Variants in AKAP13 observed in about 807,000 individuals in gnomAD.
AKAP13 encodes the protein A-kinase anchoring protein 13, also known as A-kinase anchor protein 13.
Under a neutral mutation model 264.5 loss-of-function variants are expected in AKAP13, and 80 were observed. The observed-to-expected ratio is 0.30, with a 90% CI of 0.25 to 0.36. The LOEUF (loss-of-function observed/expected upper bound fraction) is 0.36, where lower values mean the gene tolerates loss of function less well. AKAP13 is among the 10% of genes least tolerant of loss of function. The pLI is 1.00. For synonymous variants in AKAP13, 1,380 were observed against 1,250.2 expected (o/e 1.10, Z -2.19); for missense variants, 3,712 against 3,435.2 (o/e 1.08, Z -2.01).
In AKAP13 at chr15:85,639,422, T is replaced by G. The variant is rs1193630008; in HGVS notation, c.4210T>G (p.Ser1404Ala). 6.2e-7 allele frequency: 1 copy of G among 1,613,180 alleles called. No homozygotes were observed. Among genetic ancestry groups the G allele is most frequent in the Non-Finnish European group, 8.5e-7 (1 of 1,179,662 alleles). ...CTIEPCPDAA[S>A]LLASKQSPEC... ...AATAGAGCCATGCCCTGATGCAGCA[T>G]CTCTTCTGGCTTCCAAGCAGAGCCC... Residue 1404 changes from serine to alanine, a missense_variant, in exon 9 of 37, where the codon TCT becomes GCT. Coordinates refer to ENST00000394518, the MANE Select transcript of AKAP13 (RefSeq NM_007200.5).
At chr15:85,525,066 T>TTG (rs1476722277) in intron 3 of AKAP13, among the ~76,000 whole-genome samples, 2 of 148,672 alleles carry the variant, frequency 1.3e-5, no homozygotes, top group Non-Finnish European at 3.0e-5. Context: ...AAATTTTTTT[T>TTG]TTTTTTTTTT....
chr15:85,743,904 G>A (rs1251551511), intron 36 of AKAP13, 79 bp downstream of exon 36: 4 of 1,486,394 alleles, frequency 2.7e-6, no homozygotes, highest in East Asian at 2.3e-5. Flanking sequence ...GTGGCATGGG[G>A]CGGGGTTGAA....
intron 8 of AKAP13, among the ~76,000 whole-genome samples, chr15:85,629,872 C>T (rs541196980): frequency 3.3e-4 from 49 of 147,822 alleles, no homozygotes; most frequent in African/African-American, 1.1e-3. Flanking sequence ...CTCCACCTCC[C>T]GGGCTCAAGC....
chr15:85,443,771 A>ATGTG (rs1164351281), intron 1 of AKAP13, among the ~76,000 whole-genome samples: 1 of 105,406 alleles, frequency 9.5e-6, no homozygotes, highest in South Asian at 4.2e-4. Flanking sequence ...AAAAAAAAAA[A>ATGTG]AGTGTGTGTG....
chr15:85,526,556 C>T (rs192003754), intron 3 of AKAP13, among the ~76,000 whole-genome samples: 34 of 152,238 alleles, frequency 2.2e-4, no homozygotes, highest in African/African-American at 7.9e-4. Context: ...CAGGCGTGAC[C>T]CACCATACCT....
chr15:85,466,989 A>G (rs987252942), intron 1 of AKAP13, among the ~76,000 whole-genome samples: 1 of 151,924 alleles, frequency 6.6e-6, no homozygotes, highest in Non-Finnish European at 1.5e-5. Flanking sequence ...ATGGACCATT[A>G]TATCCTAGGT....
chr15:85,481,971 C>G (rs1037878163), intron 1 of AKAP13, among the ~76,000 whole-genome samples: 1 of 152,176 alleles, frequency 6.6e-6, no homozygotes, highest in Non-Finnish European at 1.5e-5. Flanking sequence ...ACTGACAAAG[C>G]AAAGACTTTC....
At chr15:85,494,277 C>T (rs1567086502) in intron 2 of AKAP13, among the ~76,000 whole-genome samples, 3 of 152,158 alleles carry the variant, frequency 2.0e-5, no homozygotes, top group Non-Finnish European at 2.9e-5. Context: ...TAAATCCTCC[C>T]TCAGACTAAC....
At chr15:85,585,119 C>G (rs780868799) in intron 7 of AKAP13, among the ~76,000 whole-genome samples, 1 of 152,114 alleles carries the variant, frequency 6.6e-6, no homozygotes, top group South Asian at 2.1e-4. Context: ...GATAGCTAGT[C>G]TGTGATTAGG....
chr15:85,595,307 C>G (rs1046076205), intron 8 of AKAP13, among the ~76,000 whole-genome samples: 4 of 152,002 alleles, frequency 2.6e-5, no homozygotes, highest in Non-Finnish European at 5.9e-5. Context: ...ACAATGTTGC[C>G]CAGGCTGGTC....
rs796328058 is a variant in AKAP13, at chr15:85,694,965, C to CT, written c.5464+1525dup. Among the ~76,000 whole-genome samples, 700 of 146,578 alleles carry CT rather than the reference C, an allele frequency of 4.8e-3. 4 individuals carry two copies. Among genetic ancestry groups the CT allele is most frequent in the African/African-American group, 0.013 (528 of 40,250 alleles). ...AACTTACTGAAATCTGATTTTTTTT[C>CT]TTTTTTTTTTTGAGACAGGGTCTCA... On this transcript the variant is annotated intron_variant, in intron 17 of 36. Transcript: ENST00000394518.
In AKAP13 at chr15:85,708,269, T is replaced by C. The variant is rs16943484; in HGVS notation, c.5532+183T>C. ...TTAAGCGATCAATCTTCTTCTTGAG[T>C]AACACTGGAGAATTAGACTTTCAGA... On this transcript the variant is annotated intron_variant, in intron 18 of 36. Transcript: ENST00000394518. This position sits in a 1 kb window ranked among gnomAD's most constrained non-coding sequence, Gnocchi z 4.3. Among the ~76,000 whole-genome samples, 5,900 of 152,344 alleles carry C rather than the reference T, an allele frequency of 0.039. 151 individuals are homozygous for C. Among genetic ancestry groups the C allele is most frequent in the Non-Finnish European group, 0.064 (4,327 of 68,028 alleles).
At chr15:85,672,173 T>C (rs774211406) in intron 14 of AKAP13, among the ~76,000 whole-genome samples, 38 of 152,336 alleles carry the variant, frequency 2.5e-4, no homozygotes, top group African/African-American at 7.5e-4. Flanking sequence ...CAAGAGTTTA[T>C]TCCTTTCATC....
At chr15:85,617,825 C>T (rs1374213271) in intron 8 of AKAP13, among the ~76,000 whole-genome samples, 1 of 152,224 alleles carries the variant, frequency 6.6e-6, no homozygotes, top group East Asian at 1.9e-4. Context: ...CCCTAGACCA[C>T]ATAGTTTGGA....
chr15:85,548,898 G>T, intron 5 of AKAP13, among the ~76,000 whole-genome samples: 1 of 143,892 alleles, frequency 6.9e-6, no homozygotes. Flanking sequence ...CCAAACCTCA[G>T]TGCCTTTTTT....
intron 17 of AKAP13, chr15:85,702,239 T>TCACACACA (rs3223062): frequency 0.022 from 3,213 of 146,692 alleles, 48 homozygotes; most frequent in Middle Eastern, 0.046. Context: ...AGAGCAAGAC[T>TCACACACA]CACACACACA....
In AKAP13 at chr15:85,581,087, C is replaced by T. The variant is rs1381538749; in HGVS notation, c.3019C>T (p.Leu1007=). The change falls in exon 7 of 37, where the codon CTG becomes TTG. Residue 1007 remains leucine (L), a synonymous_variant. Transcript: ENST00000394518. The stretch of plus-strand genomic sequence containing the variant: ...CAAGGAAGTGGCCCCACAAGTCTCA[C>T]TGCTGACTCAAGGTGGGGCTGCCCA... ...HNKEVAPQVS[L]LTQGGAAQSL... 15 of 1,614,072 alleles carry T rather than the reference C, an allele frequency of 9.3e-6. No homozygotes were observed. The highest frequency in any genetic ancestry group is 1.7e-4 in the Middle Eastern group (1 of 6,056).
At chr15:85,539,916 A>C (rs1567113860) in intron 4 of AKAP13, among the ~76,000 whole-genome samples, 1 of 152,232 alleles carries the variant, frequency 6.6e-6, no homozygotes, top group Non-Finnish European at 1.5e-5. Flanking sequence ...AAGAAACAAA[A>C]AAATGTAGAT....
In AKAP13 at chr15:85,582,211, C is replaced by T. The variant is rs2079154596; in HGVS notation, c.4039+104C>T. 3.1e-6 allele frequency: 4 copies of T among 1,293,236 alleles called. No individual in the cohort carries two copies. In the East Asian group the frequency reaches 1.0e-4, roughly 32 times the overall value. The allele number at this position is 1,293,236 out of a possible 1,614,324, so 80.1% of individuals were successfully genotyped here. A position where few individuals can be genotyped will look rare whatever the true frequency, so the allele number is the denominator to read the frequency against. On this transcript the variant is annotated intron_variant, in intron 7 of 36. Transcript: ENST00000394518. ...ATAGGCATCTTTGTTGTTTTGAGGC[C>T]TTGCACTCATTGGGTAGGTAGCCAA...
Sources: allele counts gnomAD v4.1 joint callset (sites outside exome capture counted in the v4.1 genomes callset), GRCh38; gene constraint gnomAD v4.1.1; non-coding constraint Gnocchi (gnomAD v3.1); transcripts MANE v1.5; gene names NCBI Gene and HGNC (gene_info 2026-07-23, HGNC 2026-07-21).